The following ATP8A2 variants were observed in gnomAD, a reference collection of about 807,000 sequenced individuals.
ATP8A2 encodes the protein ATPase phospholipid transporting 8A2, also known as phospholipid-transporting ATPase IB.
A neutral mutation model predicts 165.6 loss-of-function variants in ATP8A2; 100 were observed. The ratio of observed to expected loss-of-function variants is 0.60; its 90% confidence interval spans 0.51 to 0.71. ATP8A2 has a LOEUF of 0.71. Ranked by LOEUF, ATP8A2 falls within the 30% of genes least tolerant of loss-of-function variation. ATP8A2 has a pLI of 0.00. For synonymous variants in ATP8A2, 543 were observed against 548.8 expected (o/e 0.99, Z 0.15); for missense variants, 1,227 against 1,479.5 (o/e 0.83, Z 2.80).
rs527291137 is a variant in ATP8A2, at chr13:25,728,073, C to T, written c.2384+28728C>T. On this transcript the variant is annotated intron_variant, in intron 25 of 36. Transcript: ENST00000381655. ...GTTCCCTTCCTGCCCTCAGCTTGCA[C>T]GTGGCTCATCTGTCAAGGAACCACA... Among the ~76,000 whole-genome samples, 6 of 152,250 alleles carry T rather than the reference C, an allele frequency of 3.9e-5. No homozygotes were observed. In the East Asian group the frequency reaches 9.7e-4, roughly 25 times the overall value.
intron 33 of ATP8A2, among the ~76,000 whole-genome samples, chr13:25,960,039 G>T (rs1441133972): frequency 6.6e-6 from 1 of 152,182 alleles, no homozygotes; most frequent in Admixed American, 6.5e-5. Context: ...ACTGCTTTTT[G>T]GTTTAATTGT....
At chr13:25,554,048 A>AGTTCTTTGTATGGCCAGTT in intron 12 of ATP8A2, 128 bp downstream of exon 12, 1 of 1,032,970 alleles carries the variant, frequency 9.7e-7, no homozygotes, top group Non-Finnish European at 1.4e-6. Context: ...TAAACTGGCC[A>AGTTCTTTGTATGGCCAGTT]TACAAAGAAC....
intron 35 of ATP8A2, among the ~76,000 whole-genome samples, 173 bp downstream of exon 35, chr13:25,968,852 A>T (rs563991395): frequency 2.2e-3 from 329 of 152,086 alleles, no homozygotes; most frequent in Non-Finnish European, 3.8e-3. Flanking sequence ...ACTACATGAA[A>T]CCTAAATCTC....
At chr13:25,809,743 C>T (rs1394354195) in intron 27 of ATP8A2, among the ~76,000 whole-genome samples, 1 of 152,078 alleles carries the variant, frequency 6.6e-6, no homozygotes, top group Non-Finnish European at 1.5e-5. Context: ...CTTGTGTCCT[C>T]ACTGGTCCAT....
chr13:25,403,848 A>G (rs572244255), intron 1 of ATP8A2, among the ~76,000 whole-genome samples: 1 of 152,354 alleles, frequency 6.6e-6, no homozygotes, highest in African/African-American at 2.4e-5. Flanking sequence ...TGAAAATCCA[A>G]TGCAGATAGT....
At chr13:25,451,680 G>A (rs1297360348) in intron 1 of ATP8A2, among the ~76,000 whole-genome samples, 1 of 152,008 alleles carries the variant, frequency 6.6e-6, no homozygotes, top group Non-Finnish European at 1.5e-5. Flanking sequence ...CAGGTTGAGG[G>A]AGTCAGTTGC....
rs1483141581 is a variant in ATP8A2 at position 26,020,341 on chromosome 13, G to C, written c.*356G>C. On this transcript the variant is annotated 3_prime_UTR_variant, in exon 37 of 37. Coordinates refer to ENST00000381655, the MANE Select transcript of ATP8A2 (RefSeq NM_016529.6). The stretch of plus-strand genomic sequence containing the variant: ...TGGGAGAAAGGGAAAGGAGTTTTAT[G>C]TTGCGTGAGAGGCCCATCCTGTGTA... 2 of 233,300 alleles carry C rather than the reference G, an allele frequency of 8.6e-6. No homozygotes were observed. The highest frequency in any genetic ancestry group is 2.3e-5 in the African/African-American group (1 of 43,636). The allele number at this position is 233,300 out of a possible 1,614,324, so 14.5% of individuals were successfully genotyped here.
intron 25 of ATP8A2, among the ~76,000 whole-genome samples, chr13:25,733,931 T>G (rs1220350703): frequency 2.6e-5 from 4 of 152,218 alleles, no homozygotes; most frequent in Non-Finnish European, 5.9e-5. Flanking sequence ...TGGCACAGCT[T>G]AACCCCATTT....
At position 25,980,213 on chromosome 13, in the gene ATP8A2, C is replaced by T. The variant is rs140893105; in HGVS notation, c.3377+11534C>T. ...CTGTGGAACGCAGGTCTTACGGCCT[C>T]CTCTCAGGGAAGGAAGGTCAGTGAG... On this transcript the variant is annotated intron_variant, in intron 35 of 36. Coordinates refer to ENST00000381655, the MANE Select transcript of ATP8A2 (RefSeq NM_016529.6). Among the ~76,000 whole-genome samples, 987 of 152,288 alleles carry T rather than the reference C, an allele frequency of 6.5e-3. 5 individuals are homozygous for T. The highest frequency in any genetic ancestry group is 0.027 in the Middle Eastern group (8 of 294).
At position 25,837,155 on chromosome 13, in the gene ATP8A2, C is replaced by G; in HGVS notation, c.2755-8C>G. On this transcript the variant is annotated splice_polypyrimidine_tract_variant and splice_region_variant and intron_variant, in intron 28 of 36. Coordinates refer to ENST00000381655, the MANE Select transcript of ATP8A2 (RefSeq NM_016529.6). ...GCTGCTTTTAATGGCTCATTGTTCTCCCTGCAGATTTTCACCGCTTTGCCG... is the reference window on the plus strand; with the variant it reads ...GCTGCTTTTAATGGCTCATTGTTCTGCCTGCAGATTTTCACCGCTTTGCCG... The G allele has an allele frequency of 6.2e-7, 1 of 1,613,184 alleles. No individual in the cohort carries two copies. Among genetic ancestry groups the G allele is most frequent in the South Asian group, 1.1e-5 (1 of 90,972 alleles).
chr13:25,902,436 C>A (rs76554434), intron 33 of ATP8A2, among the ~76,000 whole-genome samples: 7,290 of 152,166 alleles, frequency 0.048, 263 homozygotes, highest in Non-Finnish European at 0.066. Context: ...CCATAGGAAA[C>A]CCCATATCTG....
intron 24 of ATP8A2, among the ~76,000 whole-genome samples, chr13:25,669,350 A>G: frequency 6.6e-6 from 1 of 152,214 alleles, no homozygotes; most frequent in East Asian, 1.9e-4. Context: ...TATGTGACAG[A>G]GGATTTCCTT....
chr13:25,762,267 T>G, intron 25 of ATP8A2, among the ~76,000 whole-genome samples: 1 of 248 alleles, frequency 4.0e-3, no homozygotes, highest in African/African-American at 6.7e-3. Flanking sequence ...AGACTCTGTC[T>G]CAAAAAAAAA....
intron 35 of ATP8A2, among the ~76,000 whole-genome samples, chr13:25,972,380 G>C (rs1162037809): frequency 6.6e-6 from 1 of 152,212 alleles, no homozygotes; most frequent in Non-Finnish European, 1.5e-5. Context: ...TGAAGAAGCA[G>C]ATAATGAGAA....
chr13:25,837,426 CACACACA>C (rs1360600737), intron 29 of ATP8A2, 141 bp downstream of exon 29: 179 of 11,100 alleles, frequency 0.016, 2 homozygotes, highest in South Asian at 0.039. Context: ...CCCACCACCA[CACACACA>C]CACACACACA....
chr13:25,946,236 C>T (rs1955205881), intron 33 of ATP8A2, among the ~76,000 whole-genome samples: 1 of 152,218 alleles, frequency 6.6e-6, no homozygotes, highest in Non-Finnish European at 1.5e-5. Context: ...AGTCCGGCCA[C>T]TCAGTGAGTT....
chr13:25,743,827 A>G (rs1195300495), intron 25 of ATP8A2, among the ~76,000 whole-genome samples: 1 of 152,210 alleles, frequency 6.6e-6, no homozygotes, highest in Non-Finnish European at 1.5e-5. Context: ...ATGAAAACCT[A>G]TATTGATGAA....
intron 24 of ATP8A2, among the ~76,000 whole-genome samples, chr13:25,590,193 G>A (rs2040031878): frequency 6.6e-6 from 1 of 152,180 alleles, no homozygotes; most frequent in Non-Finnish European, 1.5e-5. Context: ...GGGAGGCGGA[G>A]GCAGAAGGAT....
At chr13:26,007,604 G>C (rs1346280998) in intron 35 of ATP8A2, among the ~76,000 whole-genome samples, 1 of 152,210 alleles carries the variant, frequency 6.6e-6, no homozygotes, top group Admixed American at 6.5e-5. Context: ...AGCTAACTCA[G>C]AAAAGATCCT....
Sources: gnomAD v4.1 joint callset for allele counts (sites outside exome capture counted in the v4.1 genomes callset) on GRCh38, gnomAD v4.1.1 for gene constraint, MANE v1.5 for transcripts, NCBI Gene and HGNC (gene_info 2026-07-23, HGNC 2026-07-21) for gene names.